The following DPYD variants were observed in gnomAD, a reference collection of about 807,000 sequenced individuals.
The protein encoded by DPYD is dihydropyrimidine dehydrogenase [NADP(+)].
DPYD carries 109 observed loss-of-function variants against 116.2 expected under a neutral mutation model. The ratio of observed to expected loss-of-function variants is 0.94; its 90% CI spans 0.80 to 1.10. The LOEUF (loss-of-function observed/expected upper bound fraction) is 1.10. Among genes scored for constraint, DPYD ranks in the 50% least tolerant of loss-of-function variants. The pLI is 0.00. For missense variants in DPYD, 1,302 were observed against 1,254.5 expected (o/e 1.04, Z -0.57); for synonymous variants, 440 against 432.0 (o/e 1.02, Z -0.23).
intron 3 of DPYD, among the ~76,000 whole-genome samples, chr1:97,788,677 C>T (rs1667167407): frequency 6.6e-6 from 1 of 152,158 alleles, no homozygotes; most frequent in African/African-American, 2.4e-5. Context: ...GTACATAGGC[C>T]TATAGAATCC....
intron 12 of DPYD, chr1:97,546,914 T>C: frequency 6.2e-7 from 1 of 1,608,352 alleles, no homozygotes. Context: ...AGTGAGGGCT[T>C]TGAAGATAGC....
intron 5 of DPYD, among the ~76,000 whole-genome samples, chr1:97,713,907 T>A (rs1571234392): frequency 6.6e-6 from 1 of 152,108 alleles, no homozygotes; most frequent in African/African-American, 2.4e-5. Flanking sequence ...GCAAGTGTGA[T>A]ATATCATTAA....
intron 7 of DPYD, among the ~76,000 whole-genome samples, chr1:97,682,376 A>T (rs183777335): frequency 6.6e-6 from 1 of 152,044 alleles, no homozygotes; most frequent in Admixed American, 6.6e-5. Context: ...GGACAAAGCC[A>T]TAACAAGAAC....
chr1:97,389,431 A>AC (rs530368830), intron 14 of DPYD, among the ~76,000 whole-genome samples: 2,271 of 140,884 alleles, frequency 0.016, 27 homozygotes, highest in Non-Finnish European at 0.023. Context: ...GAAAAATATG[A>AC]TTAGTAAAAA....
chr1:97,525,893 C>CGT (rs1649036018), intron 12 of DPYD, among the ~76,000 whole-genome samples: 6 of 101,526 alleles, frequency 5.9e-5, no homozygotes, highest in African/African-American at 1.2e-4. Flanking sequence ...TGTGCGCGCG[C>CGT]GCGTGTGTGT....
chr1:97,485,899 G>T (rs1230214221), intron 13 of DPYD, among the ~76,000 whole-genome samples: 1 of 152,076 alleles, frequency 6.6e-6, no homozygotes, highest in East Asian at 1.9e-4. Flanking sequence ...GTCATTGTGA[G>T]TTTGCATATA....
At chr1:97,573,696 G>C (rs1653065136) in intron 11 of DPYD, 64 bp downstream of exon 11, 1 of 1,591,826 alleles carries the variant, frequency 6.3e-7, no homozygotes, top group African/African-American at 1.3e-5. Flanking sequence ...CTGAAAGCTA[G>C]AAACTATTAC....
chr1:97,561,778 A>G (rs539052930), intron 11 of DPYD, among the ~76,000 whole-genome samples: 1 of 152,162 alleles, frequency 6.6e-6, no homozygotes, highest in Non-Finnish European at 1.5e-5. Context: ...TCCCCCATGT[A>G]TTCATCCAGC....
At chr1:97,178,356 G>A (rs1265712560) in intron 20 of DPYD, among the ~76,000 whole-genome samples, 6 of 152,120 alleles carry the variant, frequency 3.9e-5, no homozygotes, top group South Asian at 4.1e-4. Context: ...TTACAAAAGA[G>A]GTTTAGTTGA....
intron 8 of DPYD, among the ~76,000 whole-genome samples, chr1:97,617,218 A>T (rs1369520303): frequency 6.6e-6 from 1 of 152,164 alleles, no homozygotes; most frequent in Non-Finnish European, 1.5e-5. Flanking sequence ...ACAAACACAC[A>T]GTTCGTGTCT....
At chr1:97,759,344 A>C (rs564741763) in intron 3 of DPYD, among the ~76,000 whole-genome samples, 1 of 152,236 alleles carries the variant, frequency 6.6e-6, no homozygotes, top group East Asian at 1.9e-4. Flanking sequence ...TGCTTCTTAA[A>C]ATTGCTAAAA....
At chr1:97,563,807 A>C (rs1652332992) in intron 11 of DPYD, among the ~76,000 whole-genome samples, 1 of 152,174 alleles carries the variant, frequency 6.6e-6, no homozygotes, top group African/African-American at 2.4e-5. Context: ...TTTGACCTCC[A>C]TCCTCATCAC....
chr1:97,191,041 T>G (rs1658318257), intron 20 of DPYD, among the ~76,000 whole-genome samples: 1 of 151,700 alleles, frequency 6.6e-6, no homozygotes, highest in Admixed American at 6.6e-5. Flanking sequence ...GTGAGTTATA[T>G]GCAAAGACAC....
At chr1:97,565,895 C>T (rs1034760129) in intron 11 of DPYD, among the ~76,000 whole-genome samples, 1 of 152,098 alleles carries the variant, frequency 6.6e-6, no homozygotes, top group African/African-American at 2.4e-5. Flanking sequence ...AAAATTCAGA[C>T]CATCATTTAC....
intron 1 of DPYD, among the ~76,000 whole-genome samples, chr1:97,918,924 T>C (rs1315170547): frequency 1.3e-5 from 2 of 152,220 alleles, no homozygotes; most frequent in Non-Finnish European, 2.9e-5. Flanking sequence ...ATGGTTGTAA[T>C]GAATTTGTTC....
At chr1:97,459,126 A>G (rs903340867) in intron 13 of DPYD, among the ~76,000 whole-genome samples, 1 of 152,154 alleles carries the variant, frequency 6.6e-6, no homozygotes, top group African/African-American at 2.4e-5. Flanking sequence ...CTCAAAGTTT[A>G]TCATGAAGAT....
intron 20 of DPYD, among the ~76,000 whole-genome samples, chr1:97,161,254 A>ACT (rs1433416235): frequency 6.6e-6 from 1 of 152,156 alleles, no homozygotes; most frequent in African/African-American, 2.4e-5. Context: ...AAACAGCCTG[A>ACT]CTATATATAC....
At chr1:97,687,719 A>C (rs912408682) in intron 7 of DPYD, among the ~76,000 whole-genome samples, 1 of 152,214 alleles carries the variant, frequency 6.6e-6, no homozygotes, top group African/African-American at 2.4e-5. Context: ...AAGACATGGA[A>C]TCAACCAAAA....
intron 18 of DPYD, among the ~76,000 whole-genome samples, chr1:97,251,296 G>T (rs1479625423): frequency 5.3e-5 from 8 of 150,880 alleles, no homozygotes; most frequent in Admixed American, 1.3e-4. Flanking sequence ...GAAGGCTGAG[G>T]CAGGAGAATC....
Sources: allele counts gnomAD v4.1 joint callset (sites outside exome capture counted in the v4.1 genomes callset), GRCh38; gene constraint gnomAD v4.1.1; transcripts MANE v1.5; gene names NCBI Gene and HGNC (gene_info 2026-07-23, HGNC 2026-07-21).